The following DOK7 variants were observed in gnomAD, a reference collection of about 807,000 sequenced individuals.
The protein encoded by DOK7 is protein Dok-7.
A neutral mutation model predicts 30.7 loss-of-function variants in DOK7; 32 were observed. The ratio of observed to expected loss-of-function variants is 1.04; its 90% CI spans 0.79 to 1.40. The LOEUF is 1.40. Among genes scored for constraint, DOK7 ranks in the 40% most tolerant of loss-of-function variants. The probability of loss-of-function intolerance (pLI) is 0.00; values close to 1 mark genes in which losing one functional copy is unlikely to be tolerated. For missense variants in DOK7, 1,007 were observed against 699.2 expected (o/e 1.44, Z -4.97); for synonymous variants, 447 against 324.1 (o/e 1.38, Z -4.07).
intron 6 of DOK7, among the ~76,000 whole-genome samples, chr4:3,492,267 G>C (rs530057633): frequency 4.1e-4 from 62 of 152,210 alleles, no homozygotes; most frequent in Non-Finnish European, 7.2e-4. Flanking sequence ...CAGGGGGCGA[G>C]TCGAGGTGTG....
At chr4:3,486,173 G>A (rs755083684) in intron 5 of DOK7, among the ~76,000 whole-genome samples, 10 of 152,126 alleles carry the variant, frequency 6.6e-5, no homozygotes, top group African/African-American at 1.2e-4. Context: ...AGGGGGTCTC[G>A]TCTTGTCTCA....
At chr4:3,472,556 C>T (rs965064204) in intron 2 of DOK7, among the ~76,000 whole-genome samples, 2 of 152,244 alleles carry the variant, frequency 1.3e-5, no homozygotes, top group African/African-American at 4.8e-5. Flanking sequence ...TCTGCTCTCT[C>T]AGGCAGACCT....
chr4:3,500,307 T>C (rs966389676), exon 7 of DOK7: 4 of 1,535,328 alleles, frequency 2.6e-6, no homozygotes, highest in African/African-American at 2.7e-5. Context: ...GCGCGGCGAG[T>C]CGCCCACTTA....
At chr4:3,481,304 G>T (rs1478034318) in intron 4 of DOK7, among the ~76,000 whole-genome samples, 1 of 152,140 alleles carries the variant, frequency 6.6e-6, no homozygotes, top group Non-Finnish European at 1.5e-5. Context: ...GCCAGAGAAG[G>T]TTCTGATTGA....
In DOK7 at chr4:3,490,126, T is replaced by TTCACCCCCATTCATTCCTTTCTTCAC. The variant is rs1560225808; in HGVS notation, c.772+330_772+331insTCACCCCCATTCATTCCTTTCTTCAC. ...TCTTCACCCCCATTCATTCCTTTTC[T>TTCACCCCCATTCATTCCTTTCTTCAC]CCCTGCTCATTCATTCCTTCCTTCC... On this transcript the variant is annotated intron_variant, in intron 6 of 6. Coordinates refer to ENST00000340083, the MANE Select transcript of DOK7 (RefSeq NM_173660.5). Among the ~76,000 whole-genome samples, 3 of 114,452 alleles carry TTCACCCCCATTCATTCCTTTCTTCAC rather than the reference T, an allele frequency of 2.6e-5. 1 individual carries two copies. The highest frequency in any genetic ancestry group is 9.7e-5 in the African/African-American group (3 of 30,888). The allele number at this position is 114,452 out of a possible 152,430, so 75.1% of individuals were successfully genotyped here.
At position 3,494,443 on chromosome 4, in the gene DOK7, ACT is replaced by A. The variant is rs1491254331; in HGVS notation, c.*943_*944del. 32 of 985,466 alleles carry A rather than the reference ACT, an allele frequency of 3.2e-5. 1 individual carries two copies. In the East Asian group the frequency reaches 9.1e-4, roughly 28 times the overall value. The allele number at this position is 985,466 out of a possible 1,614,324, so 61.0% of individuals were successfully genotyped here. On this transcript the variant is annotated 3_prime_UTR_variant, in exon 7 of 7. Transcript: ENST00000340083. ...CTGTCAGCTGTTTCTAAACCCAGAC[ACT>A]GTTTGTAATAGACTGGAAATAAAAT...
chr4:3,465,230 C>T (rs1299413610), intron 2 of DOK7, among the ~76,000 whole-genome samples: 2 of 152,182 alleles, frequency 1.3e-5, no homozygotes, highest in African/African-American at 4.8e-5. Flanking sequence ...GGAGTTCTCA[C>T]GCCCACCTCC....
intron 3 of DOK7, 81 bp from the exon 4 acceptor site, chr4:3,476,257 CCCGT>C: frequency 1.0e-6 from 1 of 955,974 alleles, no homozygotes; most frequent in African/African-American, 1.8e-5. Context: ...ACCCCACCCG[CCCGT>C]GATGCCCTCT....
chr4:3,500,761 G>A (rs553393948), exon 8 of DOK7: 143 of 1,534,870 alleles, frequency 9.3e-5, no homozygotes, highest in Admixed American at 1.4e-4. Flanking sequence ...GTGGGGGTGC[G>A]GCACGCACGG....
chr4:3,476,019 A>T (rs1727031081), intron 3 of DOK7, among the ~76,000 whole-genome samples: 2 of 151,706 alleles, frequency 1.3e-5, no homozygotes, highest in South Asian at 4.2e-4. Flanking sequence ...TCCCCGGCTG[A>T]CACCTGGGCG....
chr4:3,486,141 G>A (rs1049635026), intron 5 of DOK7, among the ~76,000 whole-genome samples: 6 of 152,202 alleles, frequency 3.9e-5, no homozygotes, highest in African/African-American at 1.4e-4. Context: ...CTGGCTGTGG[G>A]GTCTCAGGAC....
chr4:3,469,842 G>A (rs1024236984), intron 2 of DOK7, among the ~76,000 whole-genome samples: 2 of 152,190 alleles, frequency 1.3e-5, no homozygotes, highest in East Asian at 1.9e-4. Context: ...AGGAGAGGGC[G>A]GCCTGAGCGT....
rs370615882 is a variant in DOK7 at position 3,489,847 on chromosome 4, A to G, written c.772+51A>G. 4.5e-5 allele frequency: 69 copies of G among 1,547,412 alleles called. No individual in the cohort carries two copies. The African/African-American group carries it at 7.5e-4, about 17-fold the overall frequency. The stretch of plus-strand genomic sequence containing the variant: ...GTGGGACCTCGGCTAAGCCTCCAGC[A>G]GGAGAGCTCAGGAGGCATCCATGCA... On this transcript the variant is annotated intron_variant, in intron 6 of 6. Transcript: ENST00000340083.
In DOK7 at chr4:3,493,107, G is replaced by T; in HGVS notation, c.1121G>T (p.Ser374Ile). 1 of 1,584,060 alleles carries T rather than the reference G, an allele frequency of 6.3e-7. No homozygotes were observed. ...ACAGATGAACTGGGCTCACTGCTCA[G>T]CCTGCCAGCAGCGGGGGCCCCCGAG... ...RATDELGSLL[S>I]LPAAGAPEPS... The change falls in exon 7 of 7, where the codon AGC becomes ATC. Residue 374 changes from serine to isoleucine, a missense_variant. Ser to Ile is a moderately radical substitution (Grantham distance 142, BLOSUM62 -2). Coordinates refer to ENST00000340083, the MANE Select transcript of DOK7 (RefSeq NM_173660.5).
intron 6 of DOK7, among the ~76,000 whole-genome samples, chr4:3,492,317 T>C (rs1332304860): frequency 6.6e-6 from 1 of 151,276 alleles, no homozygotes; most frequent in African/African-American, 2.4e-5. Context: ...TGGCAGGGCC[T>C]GGGAAGTTCT....
In DOK7 at chr4:3,485,977, C is replaced by A. The variant is rs1268263793; in HGVS notation, c.652+319C>A. On this transcript the variant is annotated intron_variant, in intron 5 of 6. Coordinates refer to ENST00000340083, the MANE Select transcript of DOK7 (RefSeq NM_173660.5). ...CTGCCACTGTGCAGTAAGAGACCCT[C>A]TGACCCACCACCACCATCTTCCACG... Among the ~76,000 whole-genome samples, 6 of 152,142 alleles carry A rather than the reference C, an allele frequency of 3.9e-5. No individual in the cohort carries two copies. In the East Asian group the frequency reaches 7.7e-4, roughly 20 times the overall value.
At position 3,473,488 on chromosome 4, in the gene DOK7, C is replaced by A; in HGVS notation, c.183C>A (p.Asp61Glu). The A allele has an allele frequency of 6.2e-7, 1 of 1,611,192 alleles. No individual in the cohort carries two copies. Among genetic ancestry groups the A allele is most frequent in the Non-Finnish European group, 8.5e-7 (1 of 1,179,786 alleles). Residue 61 changes from aspartate to glutamate, a missense_variant, in exon 3 of 7, where the codon GAC becomes GAA. Physicochemically the swap from Asp to Glu is conservative, Grantham distance 45 (BLOSUM62 2). Transcript: ENST00000340083. ...LRERSSLTLEDICGLEPGLPY... is the reference protein window; with the variant it reads ...LRERSSLTLEEICGLEPGLPY... Reference sequence around the variant, plus strand: ...AGCGCAGCAGCCTGACGCTAGAGGACATCTGCGGGCTGGAGCCCGGCCTGC... The same window carrying A: ...AGCGCAGCAGCCTGACGCTAGAGGAAATCTGCGGGCTGGAGCCCGGCCTGC...
chr4:3,473,623 T>G lies in DOK7; in HGVS notation c.318T>G (p.Tyr106Ter). The G allele has an allele frequency of 6.3e-7, 1 of 1,577,996 alleles. No homozygotes were observed. Among genetic ancestry groups the G allele is most frequent in the Non-Finnish European group, 8.6e-7 (1 of 1,159,018 alleles). Residue 106 changes from tyrosine (Y) to a stop codon, truncating the protein, a stop_gained, in exon 3 of 7, where the codon TAT (tyrosine) becomes TAG (stop). Transcript: ENST00000340083. LOFTEE classifies it high-confidence loss of function. ...AMCAWDARIRYALGEVHRFHV... is the reference protein window; with the variant it reads ...AMCAWDARIR ...GTGCGTGGGATGCCCGGATCCGCTA[T>G]GCGCTCGGCGAGGGTGAGTGACGGG...
In DOK7 at chr4:3,492,382, GC is replaced by G. The variant is rs34247441; in HGVS notation, c.773-373del. On this transcript the variant is annotated intron_variant, in intron 6 of 6. Coordinates refer to ENST00000340083, the MANE Select transcript of DOK7 (RefSeq NM_173660.5). Reference sequence around the variant, plus strand: ...GCCGTGATGGTGCGGAGGGCAAGCTGCCCCAGGTGGCCCTGGAAGGTAGTCG... The same window carrying G: ...GCCGTGATGGTGCGGAGGGCAAGCTGCCCAGGTGGCCCTGGAAGGTAGTCG... 2.6e-5 allele frequency among the ~76,000 whole-genome samples: 4 copies of G among 151,096 alleles called. No individual in the cohort carries two copies. In the South Asian group the frequency reaches 6.3e-4, roughly 24 times the overall value.
Sources: allele counts gnomAD v4.1 joint callset (sites outside exome capture counted in the v4.1 genomes callset), GRCh38; gene constraint gnomAD v4.1.1; transcripts MANE v1.5; gene names NCBI Gene and HGNC (gene_info 2026-07-23, HGNC 2026-07-21).